Variants in CYTH3 observed in about 807,000 individuals in gnomAD.
The protein encoded by CYTH3 is cytohesin 3.
Under a neutral mutation model 55.1 loss-of-function variants are expected in CYTH3, and 23 were observed. That is an observed-to-expected ratio of 0.42 (90% CI 0.30 to 0.59). CYTH3 has a LOEUF of 0.59. CYTH3 is among the 20% of genes least tolerant of loss of function. The probability of loss-of-function intolerance (pLI) is 0.20; values close to 1 mark genes in which losing one functional copy is unlikely to be tolerated. For synonymous variants in CYTH3, 249 were observed against 194.9 expected (o/e 1.28, Z -2.31); for missense variants, 413 against 524.8 (o/e 0.79, Z 2.08).
chr7:6,161,796 A>C lies in CYTH3; in HGVS notation c.*3148T>G, dbSNP rs990355277. On this transcript the variant is annotated 3_prime_UTR_variant, in exon 13 of 13. Coordinates refer to ENST00000350796, the MANE Select transcript of CYTH3 (RefSeq NM_004227.4). ...TAGGCTTGTTTTAACAATACATGTG[A>C]TTTTTATTTAGTGAACACAGTATCT... 1 of 152,442 alleles carries C rather than the reference A, an allele frequency of 6.6e-6. No individual in the cohort carries two copies. Among genetic ancestry groups the C allele is most frequent in the Admixed American group, 6.5e-5 (1 of 15,272 alleles). The allele number at this position is 152,442 out of a possible 1,614,324, so 9.4% of individuals were successfully genotyped here.
chr7:6,166,013 C>T (rs1782991435), intron 9 of CYTH3, among the ~76,000 whole-genome samples: 1 of 152,240 alleles, frequency 6.6e-6, no homozygotes, highest in South Asian at 2.1e-4. Context: ...CTCCACGGCA[C>T]TGATGGGCCC....
intron 5 of CYTH3, 116 bp from the exon 6 acceptor site, chr7:6,173,849 A>G (rs573854276): frequency 2.0e-4 from 136 of 686,464 alleles, no homozygotes; most frequent in African/African-American, 1.9e-3. Context: ...CTGCATGGCC[A>G]TGCTTTTTTA....
At chr7:6,176,090 TTTTCA>T (rs1471184881) in intron 5 of CYTH3, among the ~76,000 whole-genome samples, 1 of 152,124 alleles carries the variant, frequency 6.6e-6, no homozygotes, top group Non-Finnish European at 1.5e-5. Flanking sequence ...TATTTAGGTC[TTTTCA>T]TTTTTTTCAA....
intron 1 of CYTH3, among the ~76,000 whole-genome samples, chr7:6,259,757 T>TTATATATATATATATATATAATA: frequency 5.3e-5 from 2 of 37,464 alleles, no homozygotes; most frequent in East Asian, 2.4e-3. Context: ...TATATATATA[T>TTATATATATATATATATATAATA]TATATATATA....
At chr7:6,214,514 TA>T (rs1423797489) in intron 1 of CYTH3, among the ~76,000 whole-genome samples, 2 of 152,176 alleles carry the variant, frequency 1.3e-5, no homozygotes, top group African/African-American at 4.8e-5. Flanking sequence ...TTCAAAACCA[TA>T]CAAACTGGTG....
intron 1 of CYTH3, among the ~76,000 whole-genome samples, chr7:6,233,288 C>T (rs530196249): frequency 1.1e-4 from 16 of 152,334 alleles, no homozygotes; most frequent in Admixed American, 7.2e-4. Flanking sequence ...TCCTACTCCA[C>T]GCCTTCAAGT....
At chr7:6,177,765 G>C in intron 5 of CYTH3, 58 bp downstream of exon 5, 1 of 1,362,966 alleles carries the variant, frequency 7.3e-7, no homozygotes, top group Non-Finnish European at 1.0e-6. Context: ...CGTGAGCCTA[G>C]GTCAAGCTGC....
chr7:6,188,010 G>GC (rs1324348340), intron 2 of CYTH3, among the ~76,000 whole-genome samples: 2 of 152,034 alleles, frequency 1.3e-5, no homozygotes, highest in South Asian at 2.1e-4. Context: ...AGCACACTGG[G>GC]GGGGGAATAT....
At chr7:6,245,357 C>T (rs1299031523) in intron 1 of CYTH3, among the ~76,000 whole-genome samples, 1 of 152,040 alleles carries the variant, frequency 6.6e-6, no homozygotes, top group Non-Finnish European at 1.5e-5. Context: ...AAAGAGGGCC[C>T]TCAGAATTAG....
chr7:6,181,580 GAC>G (rs1429037289), intron 4 of CYTH3, among the ~76,000 whole-genome samples: 1 of 152,116 alleles, frequency 6.6e-6, no homozygotes, highest in East Asian at 1.9e-4. Flanking sequence ...CATTTTACTT[GAC>G]ACGTCTATGT....
intron 1 of CYTH3, among the ~76,000 whole-genome samples, chr7:6,250,265 T>G (rs556465506): frequency 3.9e-5 from 6 of 152,250 alleles, no homozygotes; most frequent in African/African-American, 1.2e-4. Flanking sequence ...CAACTGTTCA[T>G]AAGATTATCA....
chr7:6,245,479 G>A (rs2079547300), intron 1 of CYTH3, among the ~76,000 whole-genome samples: 1 of 152,106 alleles, frequency 6.6e-6, no homozygotes, highest in African/African-American at 2.4e-5. Flanking sequence ...TCGTGACCCT[G>A]GGAGAAGGTG....
chr7:6,272,408 T>TCGGGGGGGGGGGCG, intron 1 of CYTH3, 66 bp downstream of exon 1: 2 of 1,207,032 alleles, frequency 1.7e-6, no homozygotes, highest in African/African-American at 1.7e-5. Flanking sequence ...CGCCGCGCCC[T>TCGGGGGGGGGGGCG]CGACCCCCAG....
intron 5 of CYTH3, 79 bp downstream of exon 5, chr7:6,177,744 C>T (rs183829916): frequency 4.1e-5 from 48 of 1,157,370 alleles, no homozygotes; most frequent in Middle Eastern, 5.5e-4. Context: ...GTGATGGCCC[C>T]GAAAGTGGAG....
At chr7:6,242,828 C>T (rs1213934317) in intron 1 of CYTH3, among the ~76,000 whole-genome samples, 7 of 152,124 alleles carry the variant, frequency 4.6e-5, no homozygotes. Context: ...CCATACTCCT[C>T]CCAGACCCCA....
At chr7:6,267,454 T>C (rs953341205) in intron 1 of CYTH3, among the ~76,000 whole-genome samples, 2 of 152,244 alleles carry the variant, frequency 1.3e-5, no homozygotes, top group African/African-American at 2.4e-5. Flanking sequence ...GTTAACTTAC[T>C]ACAGAATGAA....
intron 1 of CYTH3, among the ~76,000 whole-genome samples, chr7:6,206,428 G>C (rs187067694): frequency 2.9e-4 from 44 of 152,290 alleles, no homozygotes; most frequent in African/African-American, 1.0e-3. Flanking sequence ...TGTGTTGATA[G>C]GAATCAAAAC....
chr7:6,179,809 CCACA>C lies in CYTH3; in HGVS notation c.250-1872_250-1869del, dbSNP rs568496787. On this transcript the variant is annotated intron_variant, in intron 4 of 12. Transcript: ENST00000350796. ...CTACCACACACACCCACCACACACACCACACACACACCACACACGCACACCACAT... is the reference window on the plus strand; with the variant it reads ...CTACCACACACACCCACCACACACACCACACACCACACACGCACACCACAT... Among the ~76,000 whole-genome samples, 476 of 134,210 alleles carry C rather than the reference CCACA, an allele frequency of 3.5e-3. 2 individuals carry two copies. The highest frequency in any genetic ancestry group is 6.4e-3 in the Non-Finnish European group (392 of 61,490). 88.0% of individuals were successfully genotyped at this position (134,210 alleles called of 152,430 possible).
chr7:6,195,700 G>C (rs1223946244), intron 1 of CYTH3, among the ~76,000 whole-genome samples: 1 of 152,026 alleles, frequency 6.6e-6, no homozygotes, highest in Admixed American at 6.6e-5. Context: ...ACAATTTACT[G>C]ATCAACTAAC....
Sources: gnomAD v4.1 joint callset for allele counts (sites outside exome capture counted in the v4.1 genomes callset) on GRCh38, gnomAD v4.1.1 for gene constraint, MANE v1.5 for transcripts, NCBI Gene and HGNC (gene_info 2026-07-23, HGNC 2026-07-21) for gene names.